The following L2HGDH variants were observed in gnomAD, a reference collection of about 807,000 sequenced individuals.
L2HGDH encodes L-2-hydroxyglutarate dehydrogenase, mitochondrial.
L2HGDH carries 34 observed loss-of-function variants against 51.5 expected under a neutral mutation model. That is an observed-to-expected ratio of 0.66 (90% CI 0.50 to 0.88). L2HGDH has a LOEUF of 0.88. L2HGDH is among the 40% of genes least tolerant of loss of function. The pLI, the probability that L2HGDH is intolerant of heterozygous loss-of-function variation, is 0.00. For synonymous variants in L2HGDH, 198 were observed against 197.9 expected, an observed-to-expected ratio of 1.00 and a Z score of -0.01; for missense variants, 558 against 571.9, an observed-to-expected ratio of 0.98 and a Z score of 0.25.
intron 9 of L2HGDH, among the ~76,000 whole-genome samples, chr14:50,255,243 T>C (rs532676418): frequency 8.6e-5 from 13 of 152,028 alleles, no homozygotes; most frequent in African/African-American, 1.4e-4. Context: ...GTATTATTAT[T>C]TGAAATCTCA....
chr14:50,302,354 T>C (rs1484150508), intron 2 of L2HGDH, among the ~76,000 whole-genome samples, 186 bp from the exon 3 acceptor site: 1 of 152,186 alleles, frequency 6.6e-6, no homozygotes, highest in Non-Finnish European at 1.5e-5. Context: ...CTCCAGCCCA[T>C]CTCTGATTTC....
chr14:50,299,271 C>T (rs189264059), intron 3 of L2HGDH, among the ~76,000 whole-genome samples: 52 of 152,116 alleles, frequency 3.4e-4, no homozygotes, highest in Admixed American at 8.5e-4. Context: ...AAGATTGAAC[C>T]ATGAAGAAAT....
At position 50,245,735 on chromosome 14, in the gene L2HGDH, A is replaced by G; in HGVS notation, c.*1323T>C. 1 of 985,180 alleles carries G rather than the reference A, an allele frequency of 1.0e-6. No individual in the cohort carries two copies. Among genetic ancestry groups the G allele is most frequent in the Non-Finnish European group, 1.2e-6 (1 of 829,726 alleles). 61.0% of individuals were successfully genotyped at this position (985,180 alleles called of 1,614,324 possible). A position where few individuals can be genotyped will look rare whatever the true frequency, so the allele number is the denominator to read the frequency against. On this transcript the variant is annotated 3_prime_UTR_variant, in exon 10 of 10. Transcript: ENST00000267436. ...GTAATGCTAAAAAATTGATTTAAGG[A>G]AATAATCTATTTTTATGCCATCTTT...
chr14:50,293,244 T>A (rs1245401456), intron 4 of L2HGDH: 3 of 702,064 alleles, frequency 4.3e-6, no homozygotes, highest in Non-Finnish European at 7.8e-6. Flanking sequence ...AGTGGGAAAA[T>A]AATGGTTTTT....
At position 50,312,027 on chromosome 14, in the gene L2HGDH, G is replaced by A. The variant is rs2031250042; in HGVS notation, c.124C>T (p.Arg42Cys). ...GCCACTCACCTGGTGCTGGCGCTGC[G>A]GCTACCTCCACACAGCGGTCTTGGC... ...GRPRPLCGGS[R>C]SASTSSFDIV... The change falls in exon 1 of 10, where the codon CGC (arginine) becomes TGC (cysteine). Residue 42 changes from arginine to cysteine, a missense_variant. By Grantham distance (180) the Arg-to-Cys change is radical (BLOSUM62 -3). Around this residue, in one of 3 missense-constraint regions of L2HGDH, gnomAD observed 194 missense variants for 187.2 expected, o/e 1.04. Coordinates refer to ENST00000267436, the MANE Select transcript of L2HGDH (RefSeq NM_024884.3). 2 of 1,573,326 alleles carry A rather than the reference G, an allele frequency of 1.3e-6. No homozygotes were observed. Among genetic ancestry groups the A allele is most frequent in the African/African-American group, 2.7e-5 (2 of 74,230 alleles).
intron 3 of L2HGDH, among the ~76,000 whole-genome samples, chr14:50,297,573 C>G (rs939115811): frequency 1.3e-5 from 2 of 152,188 alleles, no homozygotes; most frequent in African/African-American, 2.4e-5. Flanking sequence ...ATGGACCTAA[C>G]AGATATTTAC....
chr14:50,276,463 C>CT (rs1889985349), intron 6 of L2HGDH, among the ~76,000 whole-genome samples: 1 of 32,402 alleles, frequency 3.1e-5, no homozygotes, highest in Non-Finnish European at 7.8e-5. Context: ...TTGAATTGTG[C>CT]CCCCCCCACC....
In L2HGDH at chr14:50,312,122, C is replaced by T. The variant is rs773202214; in HGVS notation, c.29G>A (p.Gly10Asp). Residue 10 changes from glycine (G) to aspartate (D), a missense_variant, in exon 1 of 10, where the codon GGT becomes GAT. This residue lies in a region of L2HGDH where 194 missense variants were observed against 187.2 expected (regional missense o/e 1.04). Coordinates refer to ENST00000267436, the MANE Select transcript of L2HGDH (RefSeq NM_024884.3). ...AAGCCCGCGGGCCCGTCCGCAGGCA[C>T]CAACCAAATAACGCAGCGCTGGCAC... MVPALRYLV[G>D]ACGRARGLFA... 1 of 1,610,174 alleles carries T rather than the reference C, an allele frequency of 6.2e-7. No homozygotes were observed. The highest frequency in any genetic ancestry group is 2.2e-5 in the East Asian group (1 of 44,812).
Position 50,302,171 on chromosome 14 carries a change from A to G in L2HGDH, c.257-3T>C. 6.2e-7 allele frequency: 1 copy of G among 1,613,924 alleles called. No individual in the cohort carries two copies. Among genetic ancestry groups the G allele is most frequent in the Non-Finnish European group, 8.5e-7 (1 of 1,179,822 alleles). On this transcript the variant is annotated splice_polypyrimidine_tract_variant and splice_region_variant and intron_variant, in intron 2 of 9. Transcript: ENST00000267436. ...GTTATGTCCAGTCTGGTGAACAGCT[A>G]CAGAACAAGAGAAACAGGGTAAGAG...
chr14:50,294,067 T>A, intron 4 of L2HGDH, 48 bp downstream of exon 4: 1 of 1,603,044 alleles, frequency 6.2e-7, no homozygotes. Context: ...AGCCTCCATG[T>A]CTCAGGACTA....
At chr14:50,274,420 C>G (rs1466643556) in intron 6 of L2HGDH, among the ~76,000 whole-genome samples, 1 of 152,136 alleles carries the variant, frequency 6.6e-6, no homozygotes, top group Admixed American at 6.5e-5. Context: ...AATAAGATAT[C>G]ATCTCACATC....
Position 50,271,335 on chromosome 14 carries a change from G to T in L2HGDH, c.739-2005C>A, listed in dbSNP as rs145965381. Among the ~76,000 whole-genome samples, 394 of 152,200 alleles carry T rather than the reference G, an allele frequency of 2.6e-3. 5 individuals carry two copies. The highest frequency in any genetic ancestry group is 8.1e-3 in the African/African-American group (338 of 41,526). ...TATGATAGATGTAAAGATAATAATA[G>T]AATTTATAAAATGGTACCAGCATGC... On this transcript the variant is annotated intron_variant, in intron 6 of 9. Coordinates refer to ENST00000267436, the MANE Select transcript of L2HGDH (RefSeq NM_024884.3).
In L2HGDH at chr14:50,283,986, C is replaced by A. The variant is rs759461403; in HGVS notation, c.588G>T (p.Arg196=). 2 of 1,614,116 alleles carry A rather than the reference C, an allele frequency of 1.2e-6. No homozygotes were observed. The highest frequency in any genetic ancestry group is 3.3e-5 in the Admixed American group (2 of 60,026). Reference sequence around the variant, plus strand: ...CCTGGGCAAATGACAAAGCCACCTGCCGATAGTCCACAATGCCAGTATGTG... The same window carrying A: ...CCTGGGCAAATGACAAAGCCACCTGACGATAGTCCACAATGCCAGTATGTG... ...DCPHTGIVDY[R]QVALSFAQDF... Residue 196 remains arginine (R), a synonymous_variant, in exon 5 of 10, where the codon CGG becomes CGT. Transcript: ENST00000267436.
At chr14:50,276,026 A>C (rs1264874397) in intron 6 of L2HGDH, among the ~76,000 whole-genome samples, 1 of 152,204 alleles carries the variant, frequency 6.6e-6, no homozygotes, top group African/African-American at 2.4e-5. Flanking sequence ...GCTATACTGA[A>C]TTGGATAACT....
chr14:50,267,811 C>T lies in L2HGDH; in HGVS notation c.1006G>A (p.Glu336Lys). 1 of 1,613,804 alleles carries T rather than the reference C, an allele frequency of 6.2e-7. No homozygotes were observed. The highest frequency in any genetic ancestry group is 8.5e-7 in the Non-Finnish European group (1 of 1,179,674). Residue 336 changes from glutamate to lysine, a missense_variant, in exon 8 of 10, where the codon GAG (glutamate) becomes AAG (lysine). This residue lies in a region of L2HGDH where 321 missense variants were observed against 311.8 expected (regional missense o/e 1.03). Transcript: ENST00000267436. ...GPNAVLAFKR[E>K]GYRPFDFSAT... The stretch of plus-strand genomic sequence containing the variant: ...CTGAAGTCAAAGGGTCTGTAACCCT[C>T]TCGTTTAAAGGCAAGAACTGCATTA...
rs12886516 is a variant in L2HGDH, at chr14:50,287,109, G to C, written c.541-3076C>G. 3.5e-6 allele frequency: 3 copies of C among 857,592 alleles called. No individual in the cohort carries two copies. The South Asian group carries it at 1.6e-4, about 46-fold the overall frequency. The allele number at this position is 857,592 out of a possible 1,614,324, so 53.1% of individuals were successfully genotyped here. ...GAAAGTAAAGTTTCTTCATTTATAA[G>C]ACACAAAAATATGTGTAATACATAT... is the stretch of plus-strand genomic sequence containing the variant. On this transcript the variant is annotated intron_variant, in intron 4 of 9. Transcript: ENST00000267436.
At chr14:50,297,404 C>T (rs770111189) in intron 3 of L2HGDH, among the ~76,000 whole-genome samples, 1 of 151,656 alleles carries the variant, frequency 6.6e-6, no homozygotes, top group African/African-American at 2.4e-5. Flanking sequence ...ACAATTAGAA[C>T]AAAATGAGTT....
intron 4 of L2HGDH, among the ~76,000 whole-genome samples, chr14:50,288,216 G>A (rs1044553281): frequency 9.9e-5 from 15 of 152,128 alleles, no homozygotes; most frequent in African/African-American, 3.6e-4. Flanking sequence ...ATAAAGCTAT[G>A]AAACAGCAAT....
At chr14:50,277,774 A>AAAT (rs34552494) in intron 6 of L2HGDH, among the ~76,000 whole-genome samples, 218 of 133,520 alleles carry the variant, frequency 1.6e-3, no homozygotes, top group Middle Eastern at 7.5e-3. Flanking sequence ...CTCCGTCTCA[A>AAAT]AATAATAATA....
Sources: allele counts gnomAD v4.1 joint callset (sites outside exome capture counted in the v4.1 genomes callset), GRCh38; gene constraint gnomAD v4.1.1; regional missense constraint gnomAD v4.1.1; transcripts MANE v1.5; gene names NCBI Gene and HGNC (gene_info 2026-07-23, HGNC 2026-07-21).